The following TAOK1 variants were observed in gnomAD, a reference collection of about 807,000 sequenced individuals.
The protein encoded by TAOK1 is TAO kinase 1, also known as serine/threonine-protein kinase TAO1.
Under a neutral mutation model 138.3 loss-of-function variants are expected in TAOK1, and 21 were observed. The observed-to-expected ratio is 0.15, with a 90% CI of 0.11 to 0.22. TAOK1 has a LOEUF of 0.22. Among genes scored for constraint, TAOK1 ranks in the 10% least tolerant of loss-of-function variants. The pLI is 1.00. For missense variants in TAOK1, 651 were observed against 1,227.7 expected, an observed-to-expected ratio of 0.53 and a Z score of 7.02; for synonymous variants, 361 against 398.4, an observed-to-expected ratio of 0.91 and a Z score of 1.12.
chr17:29,434,153 CTT>C (rs1188044826), intron 1 of TAOK1, among the ~76,000 whole-genome samples: 1 of 152,192 alleles, frequency 6.6e-6, no homozygotes, highest in African/African-American at 2.4e-5. Flanking sequence ...GGTAAAGAAA[CTT>C]TACCCTTTTG....
intron 1 of TAOK1, among the ~76,000 whole-genome samples, chr17:29,401,202 A>C (rs745431056): frequency 6.6e-6 from 1 of 152,066 alleles, no homozygotes; most frequent in Non-Finnish European, 1.5e-5. Flanking sequence ...GGTGTAAGCT[A>C]TTGTGCTCAG....
At position 29,506,777 on chromosome 17, in the gene TAOK1, T is replaced by C. The variant is rs574300911; in HGVS notation, c.1339-1119T>C. ...ATTTTTTAAAGCAATTGAAAACAGGTACTCAGACAAGTGCATGTACACACA... is the reference window on the plus strand; with the variant it reads ...ATTTTTTAAAGCAATTGAAAACAGGCACTCAGACAAGTGCATGTACACACA... On this transcript the variant is annotated intron_variant, in intron 13 of 19. Coordinates refer to ENST00000261716, the MANE Select transcript of TAOK1 (RefSeq NM_020791.4). Among the ~76,000 whole-genome samples, 3 of 152,262 alleles carry C rather than the reference T, an allele frequency of 2.0e-5. No homozygotes were observed. In the South Asian group the frequency reaches 6.2e-4, roughly 32 times the overall value.
At chr17:29,426,430 A>G (rs188473161) in intron 1 of TAOK1, among the ~76,000 whole-genome samples, 23 of 152,318 alleles carry the variant, frequency 1.5e-4, no homozygotes, top group Admixed American at 1.3e-3. Flanking sequence ...ATTAGGGAAG[A>G]CAGTAAGTAT....
Position 29,477,715 on chromosome 17 carries a change from C to G in TAOK1, c.352+9C>G. The stretch of plus-strand genomic sequence containing the variant: ...TTCGGATTTACTAGAAGGTAAGTTC[C>G]CTTTGATTATTTTTTAAAAAGTATT... On this transcript the variant is annotated intron_variant, in intron 5 of 19. Transcript: ENST00000261716. 7.2e-7 allele frequency: 1 copy of G among 1,390,192 alleles called. No individual in the cohort carries two copies. The highest frequency in any genetic ancestry group is 9.5e-7 in the Non-Finnish European group (1 of 1,055,194). The allele number at this position is 1,390,192 out of a possible 1,614,324, so 86.1% of individuals were successfully genotyped here. A position where few individuals can be genotyped will look rare whatever the true frequency, so the allele number is the denominator to read the frequency against.
chr17:29,537,538 A>T (rs977555870), intron 19 of TAOK1, among the ~76,000 whole-genome samples: 4 of 143,824 alleles, frequency 2.8e-5, no homozygotes. Context: ...GGGGGCAAGG[A>T]TAGAAATGGG....
At chr17:29,465,864 T>TTTTC (rs397828344) in intron 2 of TAOK1, among the ~76,000 whole-genome samples, 1 of 131,858 alleles carries the variant, frequency 7.6e-6, no homozygotes, top group African/African-American at 2.8e-5. Flanking sequence ...TTTTTTTTTT[T>TTTTC]CAGATTTTCC....
intron 16 of TAOK1, 38 bp downstream of exon 16, chr17:29,517,694 A>C: frequency 6.4e-7 from 1 of 1,555,806 alleles, no homozygotes; most frequent in African/African-American, 1.4e-5. Context: ...ATCCTTTATC[A>C]AAAGAATCTT....
At chr17:29,461,508 A>G (rs1005675738) in intron 2 of TAOK1, among the ~76,000 whole-genome samples, 2 of 152,202 alleles carry the variant, frequency 1.3e-5, no homozygotes, top group South Asian at 2.1e-4. Flanking sequence ...CCTGACACCA[A>G]ATCCAACCTG....
intron 1 of TAOK1, among the ~76,000 whole-genome samples, chr17:29,437,140 T>TGCC (rs2153023113): frequency 6.6e-6 from 1 of 152,310 alleles, no homozygotes; most frequent in East Asian, 1.9e-4. Context: ...CTTGGCTCAC[T>TGCC]GCCACCTCCT....
intron 1 of TAOK1, among the ~76,000 whole-genome samples, chr17:29,416,630 T>G (rs139451197): frequency 1.3e-5 from 2 of 152,312 alleles, no homozygotes; most frequent in African/African-American, 4.8e-5. Flanking sequence ...AAGCCGAAAC[T>G]ATGTATTTGC....
intron 1 of TAOK1, among the ~76,000 whole-genome samples, chr17:29,396,407 A>C (rs1179516692): frequency 2.6e-5 from 4 of 152,214 alleles, no homozygotes; most frequent in Non-Finnish European, 5.9e-5. Context: ...AGTGCCTTGC[A>C]TAATAGATAT....
At chr17:29,480,505 C>A in intron 7 of TAOK1, 24 bp downstream of exon 7, 1 of 1,568,308 alleles carries the variant, frequency 6.4e-7, no homozygotes, top group Non-Finnish European at 8.8e-7. Context: ...AAGCAGTCAG[C>A]AGCTGTTTTA....
chr17:29,535,430 C>T (rs1320658877), intron 19 of TAOK1, among the ~76,000 whole-genome samples: 3 of 152,258 alleles, frequency 2.0e-5, no homozygotes, highest in Non-Finnish European at 2.9e-5. Context: ...TTAGGTCCGT[C>T]GGTTATCGCA....
intron 19 of TAOK1, among the ~76,000 whole-genome samples, chr17:29,538,533 C>T (rs923962620): frequency 1.3e-5 from 2 of 152,152 alleles, no homozygotes; most frequent in Non-Finnish European, 2.9e-5. Flanking sequence ...TCTACAAAAA[C>T]TTTGTAAAAT....
chr17:29,541,207 T>G (rs893628174), intron 19 of TAOK1, among the ~76,000 whole-genome samples: 7 of 152,004 alleles, frequency 4.6e-5, no homozygotes, highest in Admixed American at 4.6e-4. Flanking sequence ...CCTGCCAGGT[T>G]CAAGTGATTC....
intron 1 of TAOK1, among the ~76,000 whole-genome samples, chr17:29,448,286 T>C (rs1182345658): frequency 6.6e-6 from 1 of 152,110 alleles, no homozygotes; most frequent in African/African-American, 2.4e-5. Context: ...TTAGGCGCTC[T>C]CAAAAACACA....
Position 29,495,578 on chromosome 17 carries a change from G to C in TAOK1, c.850G>C (p.Glu284Gln). ...TATCTAGCACATATTTGTTCTTCGG[G>C]AGCGCCCTGAAACCGTGTTAATAGA... Reference protein sequence around the residue: ...ELLKHIFVLRERPETVLIDLI... With the variant: ...ELLKHIFVLRQRPETVLIDLI... Residue 284 changes from glutamate (E) to glutamine (Q), a missense_variant, in exon 11 of 20, where the codon GAG becomes CAG. This residue lies in a region of TAOK1 where 39 missense variants were observed against 52.5 expected (regional missense o/e 0.74). Coordinates refer to ENST00000261716, the MANE Select transcript of TAOK1 (RefSeq NM_020791.4). 6.3e-7 allele frequency: 1 copy of C among 1,599,526 alleles called. No individual in the cohort carries two copies.
rs1348849497 is a variant in TAOK1 at position 29,547,628 on chromosome 17, A to G, written c.*4606A>G. 6.6e-6 allele frequency: 1 copy of G among 152,104 alleles called. No individual in the cohort carries two copies. Among genetic ancestry groups the G allele is most frequent in the Non-Finnish European group, 1.5e-5 (1 of 67,992 alleles). The allele number at this position is 152,104 out of a possible 1,614,324, so 9.4% of individuals were successfully genotyped here. A position where few individuals can be genotyped will look rare whatever the true frequency, so the allele number is the denominator to read the frequency against. On this transcript the variant is annotated 3_prime_UTR_variant, in exon 20 of 20. Transcript: ENST00000261716. ...GAAGAGGTTCTCTTGTCTTAGATAG[A>G]AAAGAGCCTTCTCCAAGAGCAATGT...
intron 12 of TAOK1, 123 bp downstream of exon 12, chr17:29,498,644 T>A (rs1448771584): frequency 5.5e-6 from 6 of 1,094,006 alleles, no homozygotes; most frequent in Non-Finnish European, 7.9e-6. Flanking sequence ...ATGGCTGGGC[T>A]CAGTGGCTCA....
Sources: allele counts gnomAD v4.1 joint callset (sites outside exome capture counted in the v4.1 genomes callset), GRCh38; gene constraint gnomAD v4.1.1; regional missense constraint gnomAD v4.1.1; transcripts MANE v1.5; gene names NCBI Gene and HGNC (gene_info 2026-07-23, HGNC 2026-07-21).